STK3: variants seen among roughly 807,000 people sequenced by gnomAD.
The protein encoded by STK3 is serine/threonine kinase 3, also known as serine/threonine-protein kinase 3.
In STK3, 41 loss-of-function variants were observed where a neutral mutation model predicts 58.0. The ratio of observed to expected loss-of-function variants is 0.71; its 90% CI spans 0.55 to 0.92. The LOEUF (loss-of-function observed/expected upper bound fraction) is 0.92, where lower values mean the gene tolerates loss of function less well. STK3 is among the 40% of genes least tolerant of loss of function. The pLI is 0.00. For missense variants in STK3, 479 were observed against 602.7 expected (o/e 0.79, Z 2.15); for synonymous variants, 170 against 191.0 (o/e 0.89, Z 0.91).
chr8:98,659,449 A>G (rs778095485), intron 6 of STK3, among the ~76,000 whole-genome samples: 2 of 151,912 alleles, frequency 1.3e-5, no homozygotes, highest in African/African-American at 4.8e-5. Flanking sequence ...TTCTTATCAT[A>G]TTACTAAAAT....
chr8:98,524,182 T>C (rs1251642242), intron 10 of STK3, among the ~76,000 whole-genome samples: 1 of 152,244 alleles, frequency 6.6e-6, no homozygotes, highest in Non-Finnish European at 1.5e-5. Flanking sequence ...AAAAGTTTAC[T>C]TCTCAGCTCT....
At position 98,630,806 on chromosome 8, in the gene STK3, GGAAGAA is replaced by G. The variant is rs564343980; in HGVS notation, c.685-34643_685-34638del. On this transcript the variant is annotated intron_variant, in intron 6 of 10. Transcript: ENST00000419617. ...AAGAGGAAGAGGAAGAAGAGGAAGA[GGAAGAA>G]GAAGAAGAAGAAAGAAAGAAACAGT... 4.7e-4 allele frequency among the ~76,000 whole-genome samples: 69 copies of G among 146,676 alleles called. No homozygotes were observed. In the East Asian group the frequency reaches 0.012, roughly 26 times the overall value.
At chr8:98,921,009 G>T (rs2132007641) in intron 1 of STK3, among the ~76,000 whole-genome samples, 1 of 152,350 alleles carries the variant, frequency 6.6e-6, no homozygotes, top group African/African-American at 2.4e-5. Flanking sequence ...CTAGTTAAAA[G>T]AATCCCTATA....
In STK3 at chr8:98,773,083, A is replaced by T. The variant is rs1011612656; in HGVS notation, c.107+1656T>A. 5.1e-4 allele frequency among the ~76,000 whole-genome samples: 77 copies of T among 152,308 alleles called. 2 individuals carry two copies. The highest frequency in any genetic ancestry group is 6.8e-3 in the Middle Eastern group (2 of 294). ...AGAATATATATGCATAGTTATATAG[A>T]CATACAGGTACTTTATATATTTTTA... On this transcript the variant is annotated intron_variant, in intron 2 of 10. Transcript: ENST00000419617.
rs554481516 is a variant in STK3, at chr8:98,710,377, A to T, written c.352-3066T>A. ...ACCTGGGAAGTGCAAGGGGTCAGGG[A>T]ATTCCCTTTCCTAGTCAAAGAAAGG... On this transcript the variant is annotated intron_variant, in intron 4 of 10. Transcript: ENST00000419617. Among the ~76,000 whole-genome samples, 1,035 of 152,300 alleles carry T rather than the reference A, an allele frequency of 6.8e-3. 8 individuals carry two copies. The highest frequency in any genetic ancestry group is 0.023 in the African/African-American group (971 of 41,556).
intron 8 of STK3, among the ~76,000 whole-genome samples, chr8:98,551,886 A>T (rs1254595826): frequency 6.6e-6 from 1 of 152,156 alleles, no homozygotes; most frequent in Non-Finnish European, 1.5e-5. Context: ...TTATAAAATC[A>T]AGGACCTTTA....
chr8:98,779,891 A>G (rs1831970603), intron 1 of STK3, among the ~76,000 whole-genome samples: 3 of 151,876 alleles, frequency 2.0e-5, no homozygotes, highest in Middle Eastern at 3.4e-3. Flanking sequence ...TGAATGAATG[A>G]ATGAATGAAT....
Position 98,682,510 on chromosome 8 carries a change from C to T in STK3, c.684+23957G>A, listed in dbSNP as rs536464103. On this transcript the variant is annotated intron_variant, in intron 6 of 10. Transcript: ENST00000419617. ...TCACCGCTAATCATTTATTTCTTAC[C>T]TTGCATTGCATAGCACAACTACATT... Among the ~76,000 whole-genome samples, 15 of 152,202 alleles carry T rather than the reference C, an allele frequency of 9.9e-5. No homozygotes were observed. In the South Asian group the frequency reaches 3.1e-3, roughly 32 times the overall value.
rs138014075 is a variant in STK3, at chr8:98,801,194, T to C, written c.26+24321A>G. ...GCTAGAGGATTGTAAATACACCAAT[T>C]AGCACTCTGTCTAGCTCAGGGATTG... On this transcript the variant is annotated intron_variant, in intron 1 of 10. Coordinates refer to ENST00000419617, the MANE Select transcript of STK3 (RefSeq NM_006281.4). 3.2e-3 allele frequency among the ~76,000 whole-genome samples: 485 copies of C among 151,238 alleles called. 3 individuals carry two copies. The highest frequency in any genetic ancestry group is 0.011 in the African/African-American group (455 of 40,612).
chr8:98,680,184 A>G, intron 6 of STK3, among the ~76,000 whole-genome samples: 1 of 152,138 alleles, frequency 6.6e-6, no homozygotes. Flanking sequence ...ATCTTTTATA[A>G]ACATCAATCA....
chr8:98,674,990 TTCAAACATATGTTGACCAG>T (rs1235746965), intron 6 of STK3, among the ~76,000 whole-genome samples: 1 of 136,994 alleles, frequency 7.3e-6, no homozygotes, highest in Admixed American at 8.0e-5. Context: ...AGAATAAACT[TTCAAACATATGTTGACCAG>T]TCAAAGAATT....
intron 3 of STK3, among the ~76,000 whole-genome samples, chr8:98,403,344 A>G (rs1219875300): frequency 1.3e-5 from 2 of 152,188 alleles, no homozygotes; most frequent in Non-Finnish European, 2.9e-5. Context: ...TCTCCCCCAT[A>G]GAAGTACCCC....
At chr8:98,679,807 A>G (rs1412525247) in intron 6 of STK3, among the ~76,000 whole-genome samples, 1 of 152,242 alleles carries the variant, frequency 6.6e-6, no homozygotes, top group Non-Finnish European at 1.5e-5. Flanking sequence ...AGAATCAATG[A>G]CTTTCTAAGT....
At position 98,914,648 on chromosome 8, in the gene STK3, C is replaced by T. The variant is rs373515695; in HGVS notation, c.-79+27730G>A. 2.0e-4 allele frequency among the ~76,000 whole-genome samples: 31 copies of T among 152,286 alleles called. No individual in the cohort carries two copies. The East Asian group carries it at 5.0e-3, about 25-fold the overall frequency. On this transcript the variant is annotated intron_variant, in intron 1 of 1. Transcript: ENST00000519420. ...TGTTTTCTGTCCTCTCAACTGTCCT[C>T]ATCTCTCTTTAAGCAGAATGGATTT... is the stretch of plus-strand genomic sequence containing the variant.
rs1817689436 is a variant in STK3, at chr8:98,377,726, CT to C, written n.111+1426del. Among the ~76,000 whole-genome samples, 4 of 152,222 alleles carry C rather than the reference CT, an allele frequency of 2.6e-5. No homozygotes were observed. The South Asian group carries it at 8.3e-4, about 32-fold the overall frequency. On this transcript the variant is annotated intron_variant and non_coding_transcript_variant, in intron 2 of 2. Transcript: ENST00000518704. ...AACTCTGCCATCCTGAGAGCTGCTT[CT>C]TGCTTTCTCAGGCTGGGGCAGTTCC...
In STK3 at chr8:98,835,647, C is replaced by T. The variant is rs184665548; in HGVS notation, c.110+48000G>A. Among the ~76,000 whole-genome samples, 142 of 152,286 alleles carry T rather than the reference C, an allele frequency of 9.3e-4. 2 individuals carry two copies. The highest frequency in any genetic ancestry group is 3.2e-3 in the African/African-American group (135 of 41,572). On this transcript the variant is annotated intron_variant, in intron 3 of 12. Coordinates refer to the STK3 transcript ENST00000523601. ...GAGACACCTCACCATGAACAGCTTT[C>T]CCAGAAACCTAAGAGGAAGATTTCT...
intron 1 of STK3, chr8:98,439,011 GC>G (rs1035760970): frequency 9.2e-5 from 14 of 152,132 alleles, no homozygotes; most frequent in African/African-American, 2.7e-4. Flanking sequence ...CCACAGAGAG[GC>G]TTTCTCTGCA....
chr8:98,419,496 A>G lies in STK3; in HGVS notation n.483+14631T>C, dbSNP rs115824152. The stretch of plus-strand genomic sequence containing the variant: ...GGATAAGTTCACAGTGGAAGACTTT[A>G]TTCTGAGAAAAGGAAAACAAAGTCC... On this transcript the variant is annotated intron_variant and non_coding_transcript_variant, in intron 3 of 3. Transcript: ENST00000517832. Among the ~76,000 whole-genome samples the G allele has an allele frequency of 5.6e-3, 853 of 152,332 alleles. 7 individuals carry two copies. Among genetic ancestry groups the G allele is most frequent in the African/African-American group, 0.02 (823 of 41,574 alleles).
intron 6 of STK3, among the ~76,000 whole-genome samples, chr8:98,634,681 A>G (rs1302941112): frequency 1.3e-5 from 2 of 152,202 alleles, no homozygotes; most frequent in African/African-American, 4.8e-5. Context: ...ATCTCAAAAT[A>G]GTAAAGAAAA....
Sources: gnomAD v4.1 joint callset for allele counts (sites outside exome capture counted in the v4.1 genomes callset) on GRCh38, gnomAD v4.1.1 for gene constraint, MANE v1.5 for transcripts, NCBI Gene and HGNC (gene_info 2026-07-23, HGNC 2026-07-21) for gene names.